The following SYNE1 variants were observed in gnomAD, a reference collection of about 807,000 sequenced individuals.
SYNE1 encodes the protein spectrin repeat containing nuclear envelope protein 1, also known as nesprin-1.
In SYNE1, 616 loss-of-function variants were observed where a neutral mutation model predicts 1,111.0. The ratio of observed to expected loss-of-function variants is 0.55; its 90% confidence interval spans 0.52 to 0.59. The LOEUF (loss-of-function observed/expected upper bound fraction) is 0.59. Ranked by LOEUF, SYNE1 falls within the 20% of genes least tolerant of loss-of-function variation. The probability of loss-of-function intolerance (pLI) is 0.00; values close to 1 mark genes in which losing one functional copy is unlikely to be tolerated. For missense variants in SYNE1, 10,006 were observed against 10,417.0 expected, an observed-to-expected ratio of 0.96 and a Z score of 1.72; for synonymous variants, 3,855 against 3,825.8, an observed-to-expected ratio of 1.01 and a Z score of -0.28.
In SYNE1 at chr6:152,268,053, T is replaced by C. The variant is rs1030481075; in HGVS notation, c.18815+3A>G. On this transcript the variant is annotated splice_donor_region_variant and intron_variant, in intron 100 of 145. Coordinates refer to ENST00000367255, the MANE Select transcript of SYNE1 (RefSeq NM_182961.4). ...GAGAAAATGGAAGCATTTTGAAACA[T>C]ACCCAGCATCACCAGAGGTCTCTGC... The C allele has an allele frequency of 2.5e-6, 4 of 1,610,728 alleles. No individual in the cohort carries two copies. Among genetic ancestry groups the C allele is most frequent in the Non-Finnish European group, 2.5e-6 (3 of 1,176,920 alleles).
chr6:152,495,711 C>G (rs1265748286), intron 11 of SYNE1, among the ~76,000 whole-genome samples: 1 of 152,156 alleles, frequency 6.6e-6, no homozygotes, highest in Admixed American at 6.5e-5. Context: ...CCCTGTCACT[C>G]TCTTTAAATT....
chr6:152,287,914 T>C (rs903193365), intron 95 of SYNE1, among the ~76,000 whole-genome samples: 1 of 152,226 alleles, frequency 6.6e-6, no homozygotes, highest in African/African-American at 2.4e-5. Context: ...TAAAACGTGA[T>C]TGCAATGAAT....
At chr6:152,496,896 G>T (rs1247388836) in intron 11 of SYNE1, among the ~76,000 whole-genome samples, 8 of 151,946 alleles carry the variant, frequency 5.3e-5, no homozygotes, top group Non-Finnish European at 1.2e-4. Context: ...CACACTAACT[G>T]GTCAAGTGAC....
chr6:152,241,184 T>C (rs1225455749), intron 107 of SYNE1, among the ~76,000 whole-genome samples: 2 of 152,254 alleles, frequency 1.3e-5, no homozygotes, highest in Non-Finnish European at 2.9e-5. Flanking sequence ...TGATCTTTTA[T>C]TGCTATGGTC....
intron 32 of SYNE1, among the ~76,000 whole-genome samples, chr6:152,436,375 C>A (rs1408206556): frequency 1.3e-5 from 2 of 152,022 alleles, no homozygotes; most frequent in African/African-American, 2.4e-5. Flanking sequence ...AATCATGGCT[C>A]ACTGCAGCTT....
At chr6:152,142,845 A>G (rs2058764691) in intron 138 of SYNE1, among the ~76,000 whole-genome samples, 2 of 152,258 alleles carry the variant, frequency 1.3e-5, no homozygotes, top group Admixed American at 6.5e-5. Flanking sequence ...TCCTAATTTC[A>G]AAGAGTAGAA....
intron 3 of SYNE1, among the ~76,000 whole-genome samples, chr6:152,622,939 T>A (rs1283528708): frequency 6.6e-6 from 1 of 152,162 alleles, no homozygotes; most frequent in Non-Finnish European, 1.5e-5. Context: ...TTACTTTTTT[T>A]ACTTTCTAGT....
chr6:152,139,977 G>A lies in SYNE1; in HGVS notation c.25431C>T (p.Thr8477=), dbSNP rs531055259. ...TGAGCTTTTTGATCTGGAGCTCGAT[G>A]GTCTGGATGTCAGTGCTGAGTTCCA... ...QRLELSTDIQ[T]IELQIKKLKE... Residue 8477 remains threonine, a synonymous_variant, in exon 140 of 146, where the codon ACC becomes ACT. Transcript: ENST00000367255. 6.2e-7 allele frequency: 1 copy of A among 1,613,966 alleles called. No individual in the cohort carries two copies. The highest frequency in any genetic ancestry group is 8.5e-7 in the Non-Finnish European group (1 of 1,180,040).
intron 2 of SYNE1, 45 bp from the exon 3 acceptor site, chr6:152,628,599 C>T (rs1279794597): frequency 3.8e-5 from 18 of 478,792 alleles, no homozygotes; most frequent in South Asian, 8.0e-5. Flanking sequence ...AAAAAATCTA[C>T]GAAGGTCACC....
intron 44 of SYNE1, 74 bp from the exon 45 acceptor site, chr6:152,407,270 T>C: frequency 7.1e-7 from 1 of 1,413,900 alleles, no homozygotes. Flanking sequence ...AAAGTACCAA[T>C]GCTTCTTTTA....
In SYNE1 at chr6:152,262,068, T is replaced by C; in HGVS notation, c.18936A>G (p.Leu6312=). ...GTTCCTGTTCCAGAACATTCTGTAG[T>C]AGTTTCTGCTTGGTACTAAATTCTT... ...LHQEFSTKQK[L]LQNVLEQEQE... is the part of the protein sequence containing the mutation. Residue 6312 remains leucine, a synonymous_variant, in exon 101 of 146, where the codon CTA becomes CTG. Coordinates refer to ENST00000367255, the MANE Select transcript of SYNE1 (RefSeq NM_182961.4). The C allele has an allele frequency of 1.2e-6, 2 of 1,613,814 alleles. No individual in the cohort carries two copies. Among genetic ancestry groups the C allele is most frequent in the South Asian group, 1.1e-5 (1 of 91,074 alleles).
At chr6:152,136,480 G>A (rs1231342041) in intron 141 of SYNE1, 138 bp downstream of exon 141, 2 of 1,024,712 alleles carry the variant, frequency 2.0e-6, no homozygotes, top group Admixed American at 4.0e-5. Flanking sequence ...AAAAGTTTGG[G>A]CACAAGGTTA....
chr6:152,310,114 C>T lies in SYNE1; in HGVS notation c.17020-97G>A, dbSNP rs534870049. The T allele has an allele frequency of 6.8e-6, 9 of 1,314,036 alleles. No individual in the cohort carries two copies. The East Asian group carries it at 2.4e-4, about 36-fold the overall frequency. 81.4% of individuals were successfully genotyped at this position (1,314,036 alleles called of 1,614,324 possible). ...TTATAGTTACGTTGCAAGTTATAAA[C>T]ATTTTGCAAAAAAAAAAAAATGTTT... On this transcript the variant is annotated intron_variant, in intron 89 of 145. Coordinates refer to ENST00000367255, the MANE Select transcript of SYNE1 (RefSeq NM_182961.4).
rs765988968 is a variant in SYNE1, at chr6:152,321,374, G to A, written c.16100C>T (p.Ala5367Val). The change falls in exon 84 of 146, where the codon GCC becomes GTC. Residue 5367 changes from alanine (A) to valine (V), a missense_variant. Physicochemically the swap from Ala to Val is moderately conservative, Grantham distance 64. Around this residue, in one of 7 missense-constraint regions of SYNE1, gnomAD observed 4,955 missense variants for 5,017.2 expected, o/e 0.99. Coordinates refer to ENST00000367255, the MANE Select transcript of SYNE1 (RefSeq NM_182961.4). ...TTCAATGTTCTGTCGGTGATTTGTGGCTTCTGTTAGGAGAATCTGAAGAAA... is the reference window on the plus strand; with the variant it reads ...TTCAATGTTCTGTCGGTGATTTGTGACTTCTGTTAGGAGAATCTGAAGAAA... ...LEELQILLTEATNHRQNIEKM... is the reference protein window; with the variant it reads ...LEELQILLTEVTNHRQNIEKM... The A allele has an allele frequency of 6.2e-7, 1 of 1,613,722 alleles. No individual in the cohort carries two copies.
chr6:152,137,391 G>C (rs1237168549), intron 140 of SYNE1, among the ~76,000 whole-genome samples: 1 of 152,110 alleles, frequency 6.6e-6, no homozygotes, highest in African/African-American at 2.4e-5. Context: ...CAGGGCCCTG[G>C]GATCCAGATG....
At chr6:152,371,988 A>C (rs1232451140) in intron 59 of SYNE1, among the ~76,000 whole-genome samples, 1 of 151,776 alleles carries the variant, frequency 6.6e-6, no homozygotes, top group East Asian at 1.9e-4. Flanking sequence ...GAAGGGAAAA[A>C]GGAAAGGAAA....
At chr6:152,412,532 C>T (rs1165757351) in intron 42 of SYNE1, among the ~76,000 whole-genome samples, 1 of 151,716 alleles carries the variant, frequency 6.6e-6, no homozygotes, top group Non-Finnish European at 1.5e-5. Flanking sequence ...ATAAATGATT[C>T]TAAGAAAAGA....
chr6:152,540,395 G>C (rs2099263596), intron 3 of SYNE1, among the ~76,000 whole-genome samples: 1 of 152,172 alleles, frequency 6.6e-6, no homozygotes, highest in East Asian at 1.9e-4. Flanking sequence ...ATAGGGCAAG[G>C]TCCCTGCTAT....
intron 142 of SYNE1, chr6:152,134,674 CTG>C: frequency 4.4e-6 from 1 of 224,828 alleles, no homozygotes; most frequent in Non-Finnish European, 8.8e-6. Context: ...GAGTGAGACT[CTG>C]TCTCAAAAAA....
Sources: allele counts gnomAD v4.1 joint callset (sites outside exome capture counted in the v4.1 genomes callset), GRCh38; gene constraint gnomAD v4.1.1; regional missense constraint gnomAD v4.1.1; transcripts MANE v1.5; gene names NCBI Gene and HGNC (gene_info 2026-07-23, HGNC 2026-07-21).